The following LUZP2 variants were observed in gnomAD, a reference collection of about 807,000 sequenced individuals.
LUZP2 encodes the protein leucine zipper protein 2.
A neutral mutation model predicts 51.6 loss-of-function variants in LUZP2; 52 were observed. That is an observed-to-expected ratio of 1.01 (90% CI 0.81 to 1.27). LUZP2 has a LOEUF of 1.27. Ranked by LOEUF, LUZP2 falls within the 50% of genes most tolerant of loss-of-function variation. The pLI, the probability that LUZP2 is intolerant of heterozygous loss-of-function variation, is 0.00. For missense variants in LUZP2, 436 were observed against 395.4 expected, an observed-to-expected ratio of 1.10 and a Z score of -0.87; for synonymous variants, 154 against 137.3, an observed-to-expected ratio of 1.12 and a Z score of -0.85.
chr11:24,693,655 T>G (rs1857148931), intron 1 of LUZP2, among the ~76,000 whole-genome samples: 2 of 152,030 alleles, frequency 1.3e-5, no homozygotes, highest in Admixed American at 6.6e-5. Context: ...GAACAAAGAC[T>G]TATTTTTTTC....
intron 1 of LUZP2, among the ~76,000 whole-genome samples, chr11:24,614,598 A>G (rs1212766803): frequency 6.6e-6 from 1 of 152,002 alleles, no homozygotes; most frequent in Non-Finnish European, 1.5e-5. Flanking sequence ...TATTATAGCC[A>G]CAGTGACCTT....
At chr11:24,899,442 A>G (rs566299687) in intron 5 of LUZP2, among the ~76,000 whole-genome samples, 2 of 152,176 alleles carry the variant, frequency 1.3e-5, no homozygotes, top group South Asian at 4.1e-4. Context: ...TGAGGTTGTA[A>G]ACAAAACCTG....
rs1485990375 is a variant in LUZP2 at position 24,772,944 on chromosome 11, T to C, written c.396+9636T>C. Among the ~76,000 whole-genome samples the C allele has an allele frequency of 7.9e-5, 12 of 152,186 alleles. No homozygotes were observed. The South Asian group carries it at 1.4e-3, about 18-fold the overall frequency. On this transcript the variant is annotated intron_variant, in intron 5 of 11. Transcript: ENST00000336930. ...ACTCTAATCCAGTATGACCTTGTTT[T>C]AACAATTTCATGTGCAAATAACTTA...
intron 5 of LUZP2, among the ~76,000 whole-genome samples, chr11:24,848,294 C>A (rs1851267717): frequency 6.6e-6 from 1 of 152,180 alleles, no homozygotes; most frequent in African/African-American, 2.4e-5. Flanking sequence ...CTAGTGATTT[C>A]ACTTTTCACA....
At chr11:25,049,591 C>T (rs1396914363) in intron 9 of LUZP2, among the ~76,000 whole-genome samples, 1 of 151,950 alleles carries the variant, frequency 6.6e-6, no homozygotes, top group African/African-American at 2.4e-5. Flanking sequence ...ATATAATCCA[C>T]TATGTATATT....
intron 1 of LUZP2, among the ~76,000 whole-genome samples, chr11:24,621,019 A>G (rs1352467205): frequency 6.6e-6 from 1 of 152,118 alleles, no homozygotes; most frequent in Non-Finnish European, 1.5e-5. Context: ...ATGGGTTAAC[A>G]CATATGTCAT....
intron 1 of LUZP2, among the ~76,000 whole-genome samples, chr11:24,636,589 T>A (rs1450051726): frequency 6.6e-6 from 1 of 152,160 alleles, no homozygotes; most frequent in Non-Finnish European, 1.5e-5. Flanking sequence ...GTGTTATTCA[T>A]CCTTAGTTGA....
intron 5 of LUZP2, among the ~76,000 whole-genome samples, chr11:24,812,851 G>C (rs1017408101): frequency 6.6e-6 from 1 of 152,112 alleles, no homozygotes; most frequent in Non-Finnish European, 1.5e-5. Context: ...ATACAGGCTC[G>C]CTAGGCATAT....
intron 1 of LUZP2, among the ~76,000 whole-genome samples, chr11:24,592,950 A>G (rs902930632): frequency 6.6e-6 from 1 of 152,200 alleles, no homozygotes; most frequent in Non-Finnish European, 1.5e-5. Flanking sequence ...CATAAGTCAA[A>G]CAATAACCAT....
At chr11:24,763,051 G>C (rs947753069) in intron 4 of LUZP2, 195 bp from the exon 5 acceptor site, 9 of 607,336 alleles carry the variant, frequency 1.5e-5, no homozygotes, top group Non-Finnish European at 1.7e-5. Context: ...AATGAAAAAA[G>C]ATATTTTAAT....
chr11:24,563,146 C>T (rs1852107350), intron 1 of LUZP2, among the ~76,000 whole-genome samples: 1 of 152,086 alleles, frequency 6.6e-6, no homozygotes, highest in South Asian at 2.1e-4. Context: ...ACAAGGCATT[C>T]GGAAGCTACG....
At position 24,958,515 on chromosome 11, in the gene LUZP2, A is replaced by T. The variant is rs1439559309; in HGVS notation, c.523-18076A>T. ...TCTCTGATGGCCAGTGATGATGAGC[A>T]TTTTTTCATGTGTTTTTTGGCTGCA... is the stretch of plus-strand genomic sequence containing the variant. On this transcript the variant is annotated intron_variant, in intron 7 of 11. Transcript: ENST00000336930. Among the ~76,000 whole-genome samples the T allele has an allele frequency of 3.7e-3, 560 of 152,036 alleles. 5 individuals carry two copies. Among genetic ancestry groups the T allele is most frequent in the African/African-American group, 0.012 (515 of 41,464 alleles).
intron 1 of LUZP2, among the ~76,000 whole-genome samples, chr11:24,597,972 G>C (rs61875662): frequency 6.6e-6 from 1 of 152,028 alleles, no homozygotes; most frequent in Non-Finnish European, 1.5e-5. Flanking sequence ...GTGATGGCAG[G>C]CATCTGTAAT....
At chr11:24,575,808 G>GCCTACCAC (rs1565001727) in intron 1 of LUZP2, among the ~76,000 whole-genome samples, 63 of 152,076 alleles carry the variant, frequency 4.1e-4, no homozygotes, top group African/African-American at 1.5e-3. Flanking sequence ...TTGCTTACCA[G>GCCTACCAC]CATTTTTGCC....
chr11:24,755,386 C>G (rs1232507270), intron 4 of LUZP2, among the ~76,000 whole-genome samples: 1 of 152,066 alleles, frequency 6.6e-6, no homozygotes, highest in Admixed American at 6.6e-5. Context: ...ATAATTTTCC[C>G]CTTTGCGGGT....
intron 1 of LUZP2, among the ~76,000 whole-genome samples, chr11:24,698,362 C>T (rs750387577): frequency 6.6e-6 from 1 of 152,136 alleles, no homozygotes; most frequent in Non-Finnish European, 1.5e-5. Context: ...TTGCTAGGAC[C>T]TTTGTTCCTA....
At chr11:24,663,293 T>C (rs1023551284) in intron 1 of LUZP2, among the ~76,000 whole-genome samples, 9 of 152,152 alleles carry the variant, frequency 5.9e-5, no homozygotes, top group Admixed American at 2.6e-4. Context: ...TTAAAAGTTG[T>C]TTGTGGCACT....
intron 7 of LUZP2, among the ~76,000 whole-genome samples, chr11:24,955,231 T>C (rs1855181856): frequency 6.6e-6 from 1 of 152,048 alleles, no homozygotes; most frequent in African/African-American, 2.4e-5. Context: ...GACTTTTTTG[T>C]CTATAAGTTT....
intron 5 of LUZP2, among the ~76,000 whole-genome samples, chr11:24,877,816 T>G (rs1852320218): frequency 6.6e-6 from 1 of 152,136 alleles, no homozygotes; most frequent in Admixed American, 6.6e-5. Context: ...TGAGTTCAAT[T>G]GTTTTAATTT....
Sources: gnomAD v4.1 joint callset for allele counts (sites outside exome capture counted in the v4.1 genomes callset) on GRCh38, gnomAD v4.1.1 for gene constraint, MANE v1.5 for transcripts, NCBI Gene and HGNC (gene_info 2026-07-23, HGNC 2026-07-21) for gene names.